The following TRIB2 variants were observed in gnomAD, a reference collection of about 807,000 sequenced individuals.
TRIB2 encodes tribbles pseudokinase 2, also known as tribbles homolog 2.
Under a neutral mutation model 26.8 loss-of-function variants are expected in TRIB2, and 2 were observed. The ratio of observed to expected loss-of-function variants is 0.07; its 90% CI spans 0.03 to 0.24. The LOEUF (loss-of-function observed/expected upper bound fraction) is 0.24. Ranked by LOEUF, TRIB2 falls within the 10% of genes least tolerant of loss-of-function variation. TRIB2 has a pLI of 1.00. For missense variants in TRIB2, 306 were observed against 449.0 expected, an observed-to-expected ratio of 0.68 and a Z score of 2.88; for synonymous variants, 189 against 187.3, an observed-to-expected ratio of 1.01 and a Z score of -0.08.
chr2:12,740,892 G>GA lies in TRIB2; in HGVS notation c.*101dup. The GA allele has an allele frequency of 8.8e-7, 1 of 1,140,528 alleles. No homozygotes were observed. Among genetic ancestry groups the GA allele is most frequent in the East Asian group, 2.4e-5 (1 of 41,694 alleles). 70.7% of individuals were successfully genotyped at this position (1,140,528 alleles called of 1,614,324 possible). On this transcript the variant is annotated 3_prime_UTR_variant, in exon 3 of 3. Transcript: ENST00000155926. This position sits in a 1 kb window ranked among gnomAD's most constrained non-coding sequence, Gnocchi z 5.8. The stretch of plus-strand genomic sequence containing the variant: ...CACGAATTGCCTGGCTGAGTAGCAA[G>GA]AAAGACACACTCTTAAGTTTCTTGG...
rs148275615 is a variant in TRIB2, at chr2:12,740,455, G to A, written c.693G>A (p.Ser231=). Reference sequence around the variant, plus strand: ...TCTTGAACACCAGTGGCAGCTACTCGGGCAAAGCAGCCGACGTGTGGAGCC... The same window carrying A: ...TCTTGAACACCAGTGGCAGCTACTCAGGCAAAGCAGCCGACGTGTGGAGCC... ...PEILNTSGSY[S]GKAADVWSLG... is the part of the protein sequence containing the mutation. The change falls in exon 3 of 3, where the codon TCG becomes TCA. Residue 231 remains serine, a synonymous_variant. Coordinates refer to ENST00000155926, the MANE Select transcript of TRIB2 (RefSeq NM_021643.4). This position sits in a 1 kb window ranked among gnomAD's most constrained non-coding sequence, Gnocchi z 5.8. 98 of 1,613,986 alleles carry A rather than the reference G, an allele frequency of 6.1e-5. No homozygotes were observed. In the African/African-American group the frequency reaches 9.6e-4, roughly 16 times the overall value.
At position 12,717,433 on chromosome 2, in the gene TRIB2, G is replaced by A; in HGVS notation, c.-875G>A. The A allele has an allele frequency of 2.5e-6, 1 of 398,460 alleles. No homozygotes were observed. The highest frequency in any genetic ancestry group is 4.4e-6 in the Non-Finnish European group (1 of 225,970). The allele number at this position is 398,460 out of a possible 1,614,324, so 24.7% of individuals were successfully genotyped here. ...CTGGCTGCATTCGGAGGAAGACCTGGGGCGCGAGCGAGCGGCGACAGCATG... is the reference window on the plus strand; with the variant it reads ...CTGGCTGCATTCGGAGGAAGACCTGAGGCGCGAGCGAGCGGCGACAGCATG... On this transcript the variant is annotated 5_prime_UTR_variant, in exon 1 of 3. Transcript: ENST00000155926. The surrounding 1 kb of genome is among the most constrained non-coding windows in gnomAD (Gnocchi z 4.8).
intron 2 of TRIB2, among the ~76,000 whole-genome samples, chr2:12,727,569 G>A (rs1422311845): frequency 1.3e-5 from 2 of 152,194 alleles, no homozygotes; most frequent in Admixed American, 6.5e-5. Flanking sequence ...GGCGGCCACA[G>A]GCACATGTAG....
At chr2:12,729,696 T>C (rs1661414294) in intron 2 of TRIB2, among the ~76,000 whole-genome samples, 1 of 152,162 alleles carries the variant, frequency 6.6e-6, no homozygotes, top group Non-Finnish European at 1.5e-5. Flanking sequence ...TGCTTATAAG[T>C]AGACTAAATA....
At chr2:12,721,688 C>A (rs954357771) in intron 1 of TRIB2, among the ~76,000 whole-genome samples, 1 of 152,220 alleles carries the variant, frequency 6.6e-6, no homozygotes, top group Non-Finnish European at 1.5e-5. Context: ...GTGGCAGCAG[C>A]TGTGCCGCTT....
chr2:12,719,744 CAA>C lies in TRIB2; in HGVS notation c.270+1170_270+1171del. ...CCTAGTGGACTGGAGTATTTCATTG[CAA>C]AATTTGGGTTTAGTGGAGATCTCCA... On this transcript the variant is annotated intron_variant, in intron 1 of 2. Transcript: ENST00000155926. Among the ~76,000 whole-genome samples the C allele has an allele frequency of 2.0e-5, 3 of 152,178 alleles. No individual in the cohort carries two copies. The South Asian group carries it at 6.2e-4, about 32-fold the overall frequency.
intron 1 of TRIB2, among the ~76,000 whole-genome samples, chr2:12,721,388 G>A (rs921574815): frequency 1.3e-5 from 2 of 152,196 alleles, no homozygotes; most frequent in African/African-American, 4.8e-5. Context: ...ATAACTCTGT[G>A]AGCACTGGCG....
At chr2:12,738,829 G>A (rs1274418743) in intron 2 of TRIB2, among the ~76,000 whole-genome samples, 2 of 152,138 alleles carry the variant, frequency 1.3e-5, no homozygotes, top group Admixed American at 6.5e-5. Context: ...TATAGTTAAT[G>A]ATAAGAATTC....
chr2:12,731,017 TATTA>T (rs2103255284), intron 2 of TRIB2, among the ~76,000 whole-genome samples: 1 of 152,268 alleles, frequency 6.6e-6, no homozygotes, highest in South Asian at 2.1e-4. Flanking sequence ...CGCAAACATT[TATTA>T]AGCACCTACT....
chr2:12,734,276 G>A (rs1661522804), intron 2 of TRIB2, among the ~76,000 whole-genome samples: 1 of 152,140 alleles, frequency 6.6e-6, no homozygotes, highest in Non-Finnish European at 1.5e-5. Context: ...TCCACCCCTT[G>A]TCTCTTTGGG....
rs1376227771 is a variant in TRIB2 at position 12,718,213 on chromosome 2, A to C, written c.-95A>C. The stretch of plus-strand genomic sequence containing the variant: ...TCCCCTCCCCTCTCGCTCCCTTTTA[A>C]AATCAGTGGCACCGAGGCGCCTGCA... On this transcript the variant is annotated 5_prime_UTR_variant, in exon 1 of 3. Coordinates refer to ENST00000155926, the MANE Select transcript of TRIB2 (RefSeq NM_021643.4). The surrounding 1 kb of genome is among the most constrained non-coding windows in gnomAD (Gnocchi z 4.0). 1 of 1,487,276 alleles carries C rather than the reference A, an allele frequency of 6.7e-7. No individual in the cohort carries two copies. The highest frequency in any genetic ancestry group is 1.4e-5 in the African/African-American group (1 of 71,102). 92.1% of individuals were successfully genotyped at this position (1,487,276 alleles called of 1,614,324 possible). A position where few individuals can be genotyped will look rare whatever the true frequency, so the allele number is the denominator to read the frequency against.
In TRIB2 at chr2:12,717,443, G is replaced by A; in HGVS notation, c.-865G>A. On this transcript the variant is annotated 5_prime_UTR_variant, in exon 1 of 3. Coordinates refer to ENST00000155926, the MANE Select transcript of TRIB2 (RefSeq NM_021643.4). The surrounding 1 kb of genome is among the most constrained non-coding windows in gnomAD (Gnocchi z 4.8). Reference sequence around the variant, plus strand: ...TCGGAGGAAGACCTGGGGCGCGAGCGAGCGGCGACAGCATGAGCCTGTGCT... The same window carrying A: ...TCGGAGGAAGACCTGGGGCGCGAGCAAGCGGCGACAGCATGAGCCTGTGCT... The A allele has an allele frequency of 1.0e-5, 4 of 398,460 alleles. No individual in the cohort carries two copies. Among genetic ancestry groups the A allele is most frequent in the African/African-American group, 2.1e-5 (1 of 48,738 alleles). 24.7% of individuals were successfully genotyped at this position (398,460 alleles called of 1,614,324 possible).
chr2:12,730,881 C>G (rs1458452366), intron 2 of TRIB2, among the ~76,000 whole-genome samples: 1 of 152,126 alleles, frequency 6.6e-6, no homozygotes, highest in East Asian at 1.9e-4. Context: ...AAACCGAGTC[C>G]AGGCTATTTG....
At position 12,732,799 on chromosome 2, in the gene TRIB2, G is replaced by A. The variant is rs1207295381; in HGVS notation, c.564-7527G>A. ...GGACCCTGGCTTTCACAGCTGGACTGGCTGCCCAGAGGACTTTTTCAGTAA... is the reference window on the plus strand; with the variant it reads ...GGACCCTGGCTTTCACAGCTGGACTAGCTGCCCAGAGGACTTTTTCAGTAA... On this transcript the variant is annotated intron_variant, in intron 2 of 2. Transcript: ENST00000155926. This position sits in a 1 kb window ranked among gnomAD's most constrained non-coding sequence, Gnocchi z 4.2. Among the ~76,000 whole-genome samples the A allele has an allele frequency of 6.6e-6, 1 of 152,228 alleles. No individual in the cohort carries two copies. The highest frequency in any genetic ancestry group is 2.4e-5 in the African/African-American group (1 of 41,456).
chr2:12,729,428 C>G (rs1405711994), intron 2 of TRIB2, among the ~76,000 whole-genome samples: 2 of 152,142 alleles, frequency 1.3e-5, no homozygotes, highest in Non-Finnish European at 2.9e-5. Flanking sequence ...GTATTGGTGT[C>G]TAGGTCATTG....
chr2:12,729,952 G>A (rs1044039809), intron 2 of TRIB2, among the ~76,000 whole-genome samples: 2 of 152,158 alleles, frequency 1.3e-5, no homozygotes, highest in African/African-American at 2.4e-5. Flanking sequence ...ATACATAGCC[G>A]TCATTATTGC....
intron 2 of TRIB2, among the ~76,000 whole-genome samples, chr2:12,733,891 G>A (rs1305587618): frequency 6.6e-6 from 1 of 152,050 alleles, no homozygotes; most frequent in Non-Finnish European, 1.5e-5. Flanking sequence ...GGGGTGGGGG[G>A]AGAATCGGGG....
chr2:12,726,610 C>A lies in TRIB2; in HGVS notation c.563+3058C>A, dbSNP rs181434914. ...GAAGCAATGGGTTAAATTTTAAAGGCTTTTGGAAAGCTAAACCACAGAGTT... is the reference window on the plus strand; with the variant it reads ...GAAGCAATGGGTTAAATTTTAAAGGATTTTGGAAAGCTAAACCACAGAGTT... On this transcript the variant is annotated intron_variant, in intron 2 of 2. Transcript: ENST00000155926. 4.2e-3 allele frequency among the ~76,000 whole-genome samples: 633 copies of A among 152,330 alleles called. 3 individuals are homozygous for A. Among genetic ancestry groups the A allele is most frequent in the African/African-American group, 0.015 (606 of 41,570 alleles).
At position 12,718,760 on chromosome 2, in the gene TRIB2, TG is replaced by T. The variant is rs897811092; in HGVS notation, c.270+187del. Among the ~76,000 whole-genome samples the T allele has an allele frequency of 6.6e-6, 1 of 150,726 alleles. No individual in the cohort carries two copies. Among genetic ancestry groups the T allele is most frequent in the African/African-American group, 2.4e-5 (1 of 40,818 alleles). On this transcript the variant is annotated intron_variant, in intron 1 of 2. Coordinates refer to ENST00000155926, the MANE Select transcript of TRIB2 (RefSeq NM_021643.4). This position sits in a 1 kb window ranked among gnomAD's most constrained non-coding sequence, Gnocchi z 4.0. ...GAAGTTTTTAGACCGTTTCAGACAATGGGGCGGGCGGCAGTGGGGGCGTTTC... is the reference window on the plus strand; with the variant it reads ...GAAGTTTTTAGACCGTTTCAGACAATGGGCGGGCGGCAGTGGGGGCGTTTC...
Sources: gnomAD v4.1 joint callset for allele counts (sites outside exome capture counted in the v4.1 genomes callset) on GRCh38, gnomAD v4.1.1 for gene constraint, Gnocchi (gnomAD v3.1) non-coding constraint, MANE v1.5 for transcripts, NCBI Gene and HGNC (gene_info 2026-07-23, HGNC 2026-07-21) for gene names.